PARP14: variants seen among roughly 807,000 people sequenced by gnomAD.
The protein encoded by PARP14 is poly(ADP-ribose) polymerase family member 14.
In PARP14, 59 loss-of-function variants were observed where a neutral mutation model predicts 154.2. The observed-to-expected ratio is 0.38, with a 90% CI of 0.31 to 0.48. PARP14 has a LOEUF of 0.48. Ranked by LOEUF, PARP14 falls within the 20% of genes least tolerant of loss-of-function variation. PARP14 has a pLI of 0.98. For synonymous variants in PARP14, 720 were observed against 780.5 expected (o/e 0.92, Z 1.29); for missense variants, 1,734 against 2,131.6 (o/e 0.81, Z 3.67).
intron 15 of PARP14, chr3:122,722,464 G>A (rs1933185241): frequency 1.3e-5 from 2 of 152,208 alleles, no homozygotes; most frequent in African/African-American, 4.8e-5. Flanking sequence ...AATATCTACA[G>A]TGGGCCCTGT....
intron 3 of PARP14, among the ~76,000 whole-genome samples, chr3:122,688,573 G>A (rs1005286449): frequency 1.3e-5 from 2 of 152,178 alleles, no homozygotes; most frequent in Non-Finnish European, 2.9e-5. Context: ...TTTAAAGGAA[G>A]CAGAGGTTCT....
chr3:122,719,263 T>C (rs1259173058), intron 14 of PARP14, among the ~76,000 whole-genome samples: 1 of 152,040 alleles, frequency 6.6e-6, no homozygotes, highest in African/African-American at 2.4e-5. Flanking sequence ...AATAGCAGCA[T>C]CAATTAGGGG....
chr3:122,708,175 G>A lies in PARP14; in HGVS notation c.3541-15G>A, dbSNP rs182100848. 2.1e-6 allele frequency: 3 copies of A among 1,446,726 alleles called. No homozygotes were observed. The African/African-American group carries it at 4.2e-5, about 20-fold the overall frequency. The allele number at this position is 1,446,726 out of a possible 1,614,324, so 89.6% of individuals were successfully genotyped here. On this transcript the variant is annotated splice_polypyrimidine_tract_variant and intron_variant, in intron 8 of 16. Transcript: ENST00000474629. ...ACTGAGGAGTGTAATGATCAACGCT[G>A]TGTTTATATTTCAGGCATTTTCAGA...
At position 122,700,097 on chromosome 3, in the gene PARP14, G is replaced by A; in HGVS notation, c.1543G>A (p.Ala515Thr). 1 of 1,613,680 alleles carries A rather than the reference G, an allele frequency of 6.2e-7. No individual in the cohort carries two copies. The highest frequency in any genetic ancestry group is 8.5e-7 in the Non-Finnish European group (1 of 1,179,658). Residue 515 changes from alanine (A) to threonine (T), a missense_variant, in exon 6 of 17, where the codon GCA becomes ACA. By Grantham distance (58) the Ala-to-Thr change is moderately conservative. Around this residue, in one of 2 missense-constraint regions of PARP14, gnomAD observed 1,646 missense variants for 1,976.0 expected, o/e 0.83. Coordinates refer to ENST00000474629, the MANE Select transcript of PARP14 (RefSeq NM_017554.3). Reference protein sequence around the residue: ...TQHLCLKGPSADVYKAKCEIQ... With the variant: ...TQHLCLKGPSTDVYKAKCEIQ... ...ACACTTGTGCTTGAAAGGACCTAGT[G>A]CAGATGTGTATAAAGCAAAGTGTGA...
Position 122,685,309 on chromosome 3 carries a change from T to A in PARP14, c.312T>A (p.Leu104=). ...DEIDHVFEEE[L]LTKESKTKED... is the part of the protein sequence containing the mutation. ...TCGATCATGTCTTTGAAGAGGAACTTCTAACAAAAGCAAGTAAACTTTAGG... is the reference window on the plus strand; with the variant it reads ...TCGATCATGTCTTTGAAGAGGAACTACTAACAAAAGCAAGTAAACTTTAGG... The change falls in exon 2 of 17, where the codon CTT becomes CTA. Residue 104 remains leucine (L), a synonymous_variant. Coordinates refer to ENST00000474629, the MANE Select transcript of PARP14 (RefSeq NM_017554.3). 1 of 1,613,680 alleles carries A rather than the reference T, an allele frequency of 6.2e-7. No individual in the cohort carries two copies. The highest frequency in any genetic ancestry group is 8.5e-7 in the Non-Finnish European group (1 of 1,179,818).
chr3:122,699,606 G>T lies in PARP14; in HGVS notation c.1052G>T (p.Cys351Phe). 5.0e-6 allele frequency: 8 copies of T among 1,613,972 alleles called. No homozygotes were observed. Among genetic ancestry groups the T allele is most frequent in the Non-Finnish European group, 6.8e-6 (8 of 1,179,848 alleles). Residue 351 changes from cysteine (C) to phenylalanine (F), a missense_variant, in exon 6 of 17, where the codon TGT becomes TTT. By Grantham distance (205) the Cys-to-Phe change is radical. Around this residue, in one of 2 missense-constraint regions of PARP14, gnomAD observed 1,646 missense variants for 1,976.0 expected, o/e 0.83. Coordinates refer to ENST00000474629, the MANE Select transcript of PARP14 (RefSeq NM_017554.3). Reference protein sequence around the residue: ...IEEINDEMRRCHCELTWSQLS... With the variant: ...IEEINDEMRRFHCELTWSQLS... Reference sequence around the variant, plus strand: ...GAGATAAACGATGAAATGAGGCGTTGTCACTGTGAGCTCACGTGGTCCCAA... The same window carrying T: ...GAGATAAACGATGAAATGAGGCGTTTTCACTGTGAGCTCACGTGGTCCCAA...
At chr3:122,722,409 T>C (rs1037630196) in intron 15 of PARP14, 3 of 152,190 alleles carry the variant, frequency 2.0e-5, no homozygotes, top group South Asian at 2.1e-4. Flanking sequence ...TGTGATGAGA[T>C]GCTAAGTTTA....
chr3:122,687,135 C>T (rs774515552), intron 3 of PARP14, 22 bp downstream of exon 3: 1 of 1,564,980 alleles, frequency 6.4e-7, no homozygotes, highest in Non-Finnish European at 8.7e-7. Flanking sequence ...GTTGAGATGA[C>T]TCTGACATTC....
chr3:122,709,366 GCT>G (rs762121047), intron 9 of PARP14, among the ~76,000 whole-genome samples: 3 of 152,154 alleles, frequency 2.0e-5, no homozygotes, highest in Non-Finnish European at 4.4e-5. Context: ...CATCCAAGTT[GCT>G]TCAAAAGACA....
At position 122,718,384 on chromosome 3, in the gene PARP14, T is replaced by C. The variant is rs746378495; in HGVS notation, c.4233T>C (p.Ser1411=). ...CATTTTTGGGCTTTTCAAAGCAATC[T>C]CCCCAAAAAAAGAATCATTTGGTTT... The part of the protein sequence containing the change: ...LASFLGFSKQ[S]PQKKNHLVLE... The change falls in exon 14 of 17, where the codon TCT becomes TCC. Residue 1411 remains serine (S), a synonymous_variant. Coordinates refer to ENST00000474629, the MANE Select transcript of PARP14 (RefSeq NM_017554.3). 435 of 1,612,150 alleles carry C rather than the reference T, an allele frequency of 2.7e-4. No individual in the cohort carries two copies. Among genetic ancestry groups the C allele is most frequent in the Admixed American group, 6.7e-4 (40 of 59,672 alleles).
intron 6 of PARP14, among the ~76,000 whole-genome samples, chr3:122,703,009 AACAAAAAAAAAAAACAAAAAAC>A (rs1471082905): frequency 9.5e-4 from 92 of 96,472 alleles, no homozygotes; most frequent in Admixed American, 2.4e-3. Flanking sequence ...AAAAAAAAAA[AACAAAAAAAAAAAACAAAAAAC>A]AAAAAACAGT....
chr3:122,681,592 T>A lies in PARP14; in HGVS notation c.187+522T>A, dbSNP rs1195548256. Among the ~76,000 whole-genome samples the A allele has an allele frequency of 6.6e-6, 1 of 152,130 alleles. No individual in the cohort carries two copies. The highest frequency in any genetic ancestry group is 1.5e-5 in the Non-Finnish European group (1 of 68,026). On this transcript the variant is annotated intron_variant, in intron 1 of 16. Transcript: ENST00000474629. The surrounding 1 kb of genome is among the most constrained non-coding windows in gnomAD (Gnocchi z 5.5). ...AAATCACACTGCCTGAATGTCAACG[T>A]AGAGCCGTCACAGCGGCCACATTGG...
Position 122,718,147 on chromosome 3 carries a change from A to C in PARP14, c.4077A>C (p.Ser1359=), listed in dbSNP as rs755194337. The change falls in exon 13 of 17, where the codon TCA becomes TCC. Residue 1359 remains serine (S), a synonymous_variant. Coordinates refer to ENST00000474629, the MANE Select transcript of PARP14 (RefSeq NM_017554.3). The part of the protein sequence containing the change: ...DAIEDFVQKG[S]AQSVKKVKVV... ...TTGAAGACTTTGTCCAGAAAGGATC[A>C]GCCCAGTCTGTGAAAAAAGTTAAAG... 6.2e-6 allele frequency: 10 copies of C among 1,613,850 alleles called. No individual in the cohort carries two copies. The highest frequency in any genetic ancestry group is 8.5e-6 in the Non-Finnish European group (10 of 1,179,784).
intron 15 of PARP14, chr3:122,720,643 A>G (rs1933141993): frequency 1.9e-6 from 1 of 521,294 alleles, no homozygotes; most frequent in Non-Finnish European, 3.5e-6. Context: ...TTGTGAAGCA[A>G]GCTAATACAA....
chr3:122,698,685 T>G (rs183555310), intron 5 of PARP14, among the ~76,000 whole-genome samples: 1 of 152,318 alleles, frequency 6.6e-6, no homozygotes, highest in Non-Finnish European at 1.5e-5. Context: ...CTCAAATGGT[T>G]GTTGTGAGGA....
intron 4 of PARP14, among the ~76,000 whole-genome samples, chr3:122,694,836 G>A (rs1360875165): frequency 2.0e-5 from 3 of 152,098 alleles, no homozygotes; most frequent in Non-Finnish European, 2.9e-5. Flanking sequence ...TATTATTAAA[G>A]AGACAATTGA....
intron 8 of PARP14, among the ~76,000 whole-genome samples, chr3:122,705,874 A>G (rs1001999321): frequency 1.3e-5 from 2 of 152,228 alleles, no homozygotes; most frequent in Admixed American, 6.5e-5. Context: ...CTTGTCCCGT[A>G]TAATTAGTTA....
Position 122,681,216 on chromosome 3 carries a change from G to A in PARP14, c.187+146G>A, listed in dbSNP as rs1938195764. 3.7e-6 allele frequency: 2 copies of A among 533,464 alleles called. No homozygotes were observed. Among genetic ancestry groups the A allele is most frequent in the Admixed American group, 3.6e-5 (1 of 27,646 alleles). The allele number at this position is 533,464 out of a possible 1,614,324, so 33.0% of individuals were successfully genotyped here. On this transcript the variant is annotated intron_variant, in intron 1 of 16. Transcript: ENST00000474629. The surrounding 1 kb of genome is among the most constrained non-coding windows in gnomAD (Gnocchi z 5.5). ...GGCCGGGGCGGGGGCGGGGGCGGGG[G>A]CGGCAGAATGGATTCCGAGCGCACC...
chr3:122,704,797 T>A, intron 8 of PARP14, 49 bp downstream of exon 8: 1 of 1,019,866 alleles, frequency 9.8e-7, no homozygotes, highest in Middle Eastern at 2.7e-4. Context: ...GACCTAGTGT[T>A]TTTTCAAATG....
Sources: gnomAD v4.1 joint callset for allele counts (sites outside exome capture counted in the v4.1 genomes callset) on GRCh38, gnomAD v4.1.1 for gene constraint, gnomAD v4.1.1 regional missense constraint, Gnocchi (gnomAD v3.1) non-coding constraint, MANE v1.5 for transcripts, NCBI Gene and HGNC (gene_info 2026-07-23, HGNC 2026-07-21) for gene names.